Variants in AKAP7 observed in about 807,000 individuals in gnomAD.
AKAP7 encodes A-kinase anchoring protein 7, also known as A kinase (PRKA) anchor protein 7.
AKAP7 carries 39 observed loss-of-function variants against 39.5 expected under a neutral mutation model. The observed-to-expected ratio is 0.99, with a 90% confidence interval of 0.76 to 1.29. The LOEUF is 1.29. Among genes scored for constraint, AKAP7 ranks in the 50% most tolerant of loss-of-function variants. The probability of loss-of-function intolerance (pLI) is 0.00; values close to 1 mark genes in which losing one functional copy is unlikely to be tolerated. For synonymous variants in AKAP7, 140 were observed against 139.1 expected (o/e 1.01, Z -0.05); for missense variants, 414 against 407.7 (o/e 1.02, Z -0.13).
intron 3 of AKAP7, chr6:131,164,376 A>G (rs1470824174): frequency 2.2e-6 from 1 of 455,406 alleles, no homozygotes; most frequent in Non-Finnish European, 4.4e-6. Flanking sequence ...GGGAAGATGC[A>G]TCATTCCTCT....
intron 5 of AKAP7, among the ~76,000 whole-genome samples, chr6:131,195,425 G>A (rs1328008546): frequency 6.6e-6 from 1 of 151,950 alleles, no homozygotes; most frequent in Non-Finnish European, 1.5e-5. Flanking sequence ...ATTTTGATTG[G>A]TTCATTGTTT....
At chr6:131,184,538 C>T in intron 5 of AKAP7, 1 of 714,034 alleles carries the variant, frequency 1.4e-6, no homozygotes. Context: ...GCATTGCCAG[C>T]AGTATGTCTT....
At chr6:131,171,480 T>C (rs1028778859) in intron 5 of AKAP7, among the ~76,000 whole-genome samples, 14 of 152,172 alleles carry the variant, frequency 9.2e-5, no homozygotes, top group Admixed American at 7.2e-4. Context: ...AGTAGTTTAG[T>C]GTTACTGAAG....
At chr6:131,184,964 G>C in intron 5 of AKAP7, 1 of 779,922 alleles carries the variant, frequency 1.3e-6, no homozygotes, top group Non-Finnish European at 2.4e-6. Flanking sequence ...CCCGATGCTT[G>C]GGAGCATCTT....
chr6:131,214,491 A>G (rs1808962027), intron 6 of AKAP7, among the ~76,000 whole-genome samples: 1 of 152,238 alleles, frequency 6.6e-6, no homozygotes, highest in South Asian at 2.1e-4. Flanking sequence ...ACATATGGAA[A>G]TAAATAGCTG....
chr6:131,182,324 T>G (rs546742009), intron 5 of AKAP7, among the ~76,000 whole-genome samples: 6 of 152,204 alleles, frequency 3.9e-5, no homozygotes, highest in Middle Eastern at 6.8e-3. Flanking sequence ...TTCCCCTGGC[T>G]TCTGGCGACC....
chr6:131,184,657 T>A, intron 5 of AKAP7: 1 of 770,064 alleles, frequency 1.3e-6, no homozygotes, highest in Non-Finnish European at 2.4e-6. Context: ...CTTGTTAATC[T>A]TTGAGTTCCC....
intron 7 of AKAP7, among the ~76,000 whole-genome samples, chr6:131,252,322 T>C (rs926656349): frequency 6.6e-6 from 1 of 152,196 alleles, no homozygotes; most frequent in Non-Finnish European, 1.5e-5. Flanking sequence ...GTGCAAATTA[T>C]GGTTAGAAGA....
At chr6:131,235,330 C>T (rs1302174623) in intron 7 of AKAP7, among the ~76,000 whole-genome samples, 1 of 152,174 alleles carries the variant, frequency 6.6e-6, no homozygotes, top group Non-Finnish European at 1.5e-5. Flanking sequence ...GGGTTGGTTC[C>T]AAGTCTTTGC....
chr6:131,153,158 T>C (rs1037253938), intron 2 of AKAP7, among the ~76,000 whole-genome samples: 1 of 149,660 alleles, frequency 6.7e-6, no homozygotes, highest in African/African-American at 2.5e-5. Context: ...AGAGAGAGAT[T>C]GGGCTCAATG....
At chr6:131,127,230 T>A in the AKAP7 span, among the ~76,000 whole-genome samples, 1 of 152,104 alleles carries the variant, frequency 6.6e-6, no homozygotes, top group South Asian at 2.1e-4. Flanking sequence ...GTATTTTTAG[T>A]AGAGATGTTG....
chr6:131,208,653 A>G (rs1422459023), intron 6 of AKAP7, among the ~76,000 whole-genome samples: 1 of 152,240 alleles, frequency 6.6e-6, no homozygotes, highest in Non-Finnish European at 1.5e-5. Context: ...TGATGGGTTA[A>G]GTAAAGTTAA....
At chr6:131,178,701 C>T (rs1042582364) in intron 5 of AKAP7, among the ~76,000 whole-genome samples, 3 of 152,176 alleles carry the variant, frequency 2.0e-5, no homozygotes, top group Non-Finnish European at 4.4e-5. Context: ...TCAAGGTATG[C>T]CATTCTCTTG....
chr6:131,155,196 T>C (rs1427622829), intron 2 of AKAP7, among the ~76,000 whole-genome samples: 15 of 152,138 alleles, frequency 9.9e-5, no homozygotes, highest in Admixed American at 9.2e-4. Context: ...AAATTTTTTG[T>C]AGAGATGGGG....
chr6:131,226,685 T>C (rs544631191), intron 7 of AKAP7, among the ~76,000 whole-genome samples: 1 of 152,368 alleles, frequency 6.6e-6, no homozygotes, highest in South Asian at 2.1e-4. Context: ...AATTTAGTGC[T>C]TGCAAAGACT....
At chr6:131,181,320 A>T (rs892137486) in intron 5 of AKAP7, among the ~76,000 whole-genome samples, 1 of 152,172 alleles carries the variant, frequency 6.6e-6, no homozygotes, top group Non-Finnish European at 1.5e-5. Flanking sequence ...GTGTCATCCT[A>T]AACCCCAGCA....
At chr6:131,260,882 A>C (rs11758994) in intron 7 of AKAP7, among the ~76,000 whole-genome samples, 43,322 of 152,032 alleles carry the variant, frequency 0.28, 6,666 homozygotes, top group Middle Eastern at 0.4. Context: ...TATTTTCCTT[A>C]ATTTATAGTC....
At chr6:131,161,429 G>A (rs963936132) in intron 3 of AKAP7, among the ~76,000 whole-genome samples, 4 of 151,562 alleles carry the variant, frequency 2.6e-5, no homozygotes, top group African/African-American at 7.3e-5. Context: ...TGGATCCCTC[G>A]AGCCCAGGAG....
chr6:131,241,593 G>GTC (rs1811566258), intron 7 of AKAP7, among the ~76,000 whole-genome samples: 1 of 64,594 alleles, frequency 1.5e-5, no homozygotes, highest in Admixed American at 1.7e-4. Context: ...GTGTGTGTGT[G>GTC]TGTGTGTGTG....
Sources: gnomAD v4.1 joint callset for allele counts (sites outside exome capture counted in the v4.1 genomes callset) on GRCh38, gnomAD v4.1.1 for gene constraint, MANE v1.5 for transcripts, NCBI Gene and HGNC (gene_info 2026-07-23, HGNC 2026-07-21) for gene names.